GALNTL6: variants seen among roughly 807,000 people sequenced by gnomAD.
The protein encoded by GALNTL6 is polypeptide N-acetylgalactosaminyltransferase like 6, also known as polypeptide N-acetylgalactosaminyltransferase-like 6.
GALNTL6 carries 46 observed loss-of-function variants against 73.7 expected under a neutral mutation model. The ratio of observed to expected loss-of-function variants is 0.62; its 90% CI spans 0.49 to 0.80. GALNTL6 has a LOEUF of 0.80. Among genes scored for constraint, GALNTL6 ranks in the 30% least tolerant of loss-of-function variants. The pLI, the probability that GALNTL6 is intolerant of heterozygous loss-of-function variation, is 0.00. For missense variants in GALNTL6, 604 were observed against 755.0 expected, an observed-to-expected ratio of 0.80 and a Z score of 2.34; for synonymous variants, 259 against 263.7, an observed-to-expected ratio of 0.98 and a Z score of 0.17.
chr4:172,331,656 T>A (rs186165882), intron 4 of GALNTL6, among the ~76,000 whole-genome samples: 1 of 152,354 alleles, frequency 6.6e-6, no homozygotes, highest in African/African-American at 2.4e-5. Flanking sequence ...ACTGGCTTAT[T>A]TAACTTGGCA....
chr4:172,417,132 A>G (rs1478820373), intron 5 of GALNTL6, among the ~76,000 whole-genome samples: 1 of 151,706 alleles, frequency 6.6e-6, no homozygotes, highest in Non-Finnish European at 1.5e-5. Flanking sequence ...TTGTCTAAAA[A>G]CTCGGTCATT....
chr4:172,087,784 T>C (rs113048410), intron 2 of GALNTL6, among the ~76,000 whole-genome samples: 7,510 of 151,448 alleles, frequency 0.05, 576 homozygotes, highest in African/African-American at 0.17. Flanking sequence ...ACAGTGGAAA[T>C]TTAGGGGCCA....
intron 2 of GALNTL6, among the ~76,000 whole-genome samples, chr4:172,050,044 A>C (rs936942249): frequency 6.6e-6 from 1 of 152,040 alleles, no homozygotes; most frequent in African/African-American, 2.4e-5. Context: ...GTAAATTCTC[A>C]GTCAAATATA....
At chr4:172,239,484 T>C (rs1225296966) in intron 3 of GALNTL6, among the ~76,000 whole-genome samples, 1 of 152,166 alleles carries the variant, frequency 6.6e-6, no homozygotes, top group African/African-American at 2.4e-5. Flanking sequence ...TTCTCTTTTT[T>C]TCTTTATTGA....
intron 2 of GALNTL6, among the ~76,000 whole-genome samples, chr4:172,023,400 ATAAAAAAG>A (rs1400820414): frequency 6.6e-6 from 1 of 151,930 alleles, no homozygotes; most frequent in African/African-American, 2.4e-5. Flanking sequence ...ATTATCAAGT[ATAAAAAAG>A]TAAAAACCTT....
chr4:172,858,635 G>A (rs11735460), intron 7 of GALNTL6, among the ~76,000 whole-genome samples: 14,473 of 152,190 alleles, frequency 0.095, 857 homozygotes, highest in Non-Finnish European at 0.14. Flanking sequence ...TTCAAGACCA[G>A]CCTGACCAAC....
At chr4:172,537,308 A>C (rs995326053) in intron 5 of GALNTL6, among the ~76,000 whole-genome samples, 1 of 152,168 alleles carries the variant, frequency 6.6e-6, no homozygotes, top group African/African-American at 2.4e-5. Flanking sequence ...CATAATTCCC[A>C]CATGTTGTGG....
chr4:171,888,323 G>A (rs1388656046), intron 2 of GALNTL6, among the ~76,000 whole-genome samples: 3 of 150,142 alleles, frequency 2.0e-5, no homozygotes, highest in Non-Finnish European at 4.4e-5. Flanking sequence ...TTAAAGTTCA[G>A]CAACAGTGAT....
chr4:172,442,357 G>A (rs894093106), intron 5 of GALNTL6, among the ~76,000 whole-genome samples: 4 of 152,080 alleles, frequency 2.6e-5, no homozygotes, highest in South Asian at 2.1e-4. Flanking sequence ...CTTCTGGGGG[G>A]AGTGAAGCCA....
intron 11 of GALNTL6, among the ~76,000 whole-genome samples, chr4:173,015,958 G>A (rs1034165098): frequency 2.6e-5 from 4 of 152,320 alleles, no homozygotes; most frequent in Admixed American, 6.5e-5. Context: ...CTCAGGACAC[G>A]GTGCCGTGTC....
Position 172,484,919 on chromosome 4 carries a change from T to C in GALNTL6, c.553+136230T>C, listed in dbSNP as rs575254883. On this transcript the variant is annotated intron_variant, in intron 5 of 12. Coordinates refer to ENST00000506823, the MANE Select transcript of GALNTL6 (RefSeq NM_001034845.3). ...TATGAAAACATAGTTTTAAAGGCTG[T>C]GTTTTATTAATGAATTTATCTTTTA... Among the ~76,000 whole-genome samples the C allele has an allele frequency of 3.3e-5, 5 of 152,318 alleles. No homozygotes were observed. The South Asian group carries it at 1.0e-3, about 32-fold the overall frequency.
intron 2 of GALNTL6, among the ~76,000 whole-genome samples, chr4:172,020,270 C>T (rs1252076856): frequency 6.6e-6 from 1 of 150,968 alleles, no homozygotes; most frequent in Non-Finnish European, 1.5e-5. Context: ...AAGGCAAAAG[C>T]AAACCAAACC....
At chr4:172,582,643 A>G (rs1396515571) in intron 5 of GALNTL6, among the ~76,000 whole-genome samples, 3 of 152,176 alleles carry the variant, frequency 2.0e-5, no homozygotes, top group Non-Finnish European at 4.4e-5. Context: ...ATTTACTACT[A>G]GTTTGTGTTG....
intron 8 of GALNTL6, 64 bp from the exon 9 acceptor site, chr4:172,931,097 T>C (rs1168295259): frequency 2.3e-6 from 2 of 868,714 alleles, no homozygotes; most frequent in East Asian, 4.8e-5. Context: ...TTATGAGTCC[T>C]ACTGATTATT....
chr4:172,967,773 A>G (rs1296434632), intron 10 of GALNTL6, among the ~76,000 whole-genome samples: 1 of 152,194 alleles, frequency 6.6e-6, no homozygotes, highest in East Asian at 1.9e-4. Context: ...ATAGGTACGT[A>G]TGCATAAGAG....
intron 2 of GALNTL6, among the ~76,000 whole-genome samples, chr4:171,847,707 ACACT>A (rs1735411330): frequency 2.0e-5 from 3 of 152,190 alleles, no homozygotes; most frequent in South Asian, 4.1e-4. Flanking sequence ...ATCAAAAGAA[ACACT>A]CTCTCTCTGC....
chr4:172,557,694 A>G (rs940374747), intron 5 of GALNTL6, among the ~76,000 whole-genome samples: 1 of 152,192 alleles, frequency 6.6e-6, no homozygotes, highest in Non-Finnish European at 1.5e-5. Flanking sequence ...ATGAAATACT[A>G]CTACATAAAT....
intron 3 of GALNTL6, among the ~76,000 whole-genome samples, chr4:172,293,149 C>T (rs1481217625): frequency 6.6e-6 from 1 of 152,096 alleles, no homozygotes; most frequent in Non-Finnish European, 1.5e-5. Flanking sequence ...ACTCTTCACT[C>T]CACCCCATCT....
Position 171,898,749 on chromosome 4 carries a change from T to A in GALNTL6, c.138+84031T>A, listed in dbSNP as rs148671894. Among the ~76,000 whole-genome samples, 219 of 152,200 alleles carry A rather than the reference T, an allele frequency of 1.4e-3. 1 individual carries two copies. The highest frequency in any genetic ancestry group is 9.8e-3 in the Admixed American group (150 of 15,294). On this transcript the variant is annotated intron_variant, in intron 2 of 12. Transcript: ENST00000506823. ...TGTAGGTTGTAGTTTTTTTTAATTT[T>A]ATTTTTGTGGGGTTCTAGAAATGTT...
Sources: allele counts gnomAD v4.1 joint callset (sites outside exome capture counted in the v4.1 genomes callset), GRCh38; gene constraint gnomAD v4.1.1; transcripts MANE v1.5; gene names NCBI Gene and HGNC (gene_info 2026-07-23, HGNC 2026-07-21).